The following PAPSS1 variants were observed in gnomAD, a reference collection of about 807,000 sequenced individuals.
The protein encoded by PAPSS1 is 3'-phosphoadenosine 5'-phosphosulfate synthase 1.
Under a neutral mutation model 72.0 loss-of-function variants are expected in PAPSS1, and 50 were observed. That is an observed-to-expected ratio of 0.69 (90% CI 0.55 to 0.88). The LOEUF is 0.88. Among genes scored for constraint, PAPSS1 ranks in the 40% least tolerant of loss-of-function variants. The pLI, the probability that PAPSS1 is intolerant of heterozygous loss-of-function variation, is 0.00. For missense variants in PAPSS1, 657 were observed against 782.2 expected (o/e 0.84, Z 1.91); for synonymous variants, 261 against 263.6 (o/e 0.99, Z 0.09).
At chr4:107,677,792 T>C (rs1727694831) in intron 5 of PAPSS1, among the ~76,000 whole-genome samples, 2 of 152,162 alleles carry the variant, frequency 1.3e-5, no homozygotes, top group Admixed American at 6.5e-5. Context: ...AACCCAAATG[T>C]CCAACAATGA....
At position 107,678,025 on chromosome 4, in the gene PAPSS1, G is replaced by A. The variant is rs1022224678; in HGVS notation, c.669+3990C>T. On this transcript the variant is annotated intron_variant, in intron 5 of 11. Transcript: ENST00000265174. ...CACAGGAAGGGGAACATCACACACC[G>A]GGGCCTGTTGTGTGGCTTGGGGAGT... 8.5e-5 allele frequency among the ~76,000 whole-genome samples: 13 copies of A among 152,114 alleles called. No individual in the cohort carries two copies. In the South Asian group the frequency reaches 1.7e-3, roughly 19 times the overall value.
chr4:107,678,334 G>C (rs1056264214), intron 5 of PAPSS1, among the ~76,000 whole-genome samples: 4 of 152,084 alleles, frequency 2.6e-5, no homozygotes, highest in African/African-American at 9.7e-5. Context: ...GAGTAAAAGT[G>C]AAGAGAAAGG....
intron 9 of PAPSS1, among the ~76,000 whole-genome samples, chr4:107,648,000 C>T (rs1417263991): frequency 6.6e-6 from 1 of 152,180 alleles, no homozygotes; most frequent in Non-Finnish European, 1.5e-5. Flanking sequence ...TTCTACCTTT[C>T]CTATTACTGT....
intron 9 of PAPSS1, among the ~76,000 whole-genome samples, chr4:107,645,363 C>A (rs1726665132): frequency 6.6e-6 from 1 of 152,118 alleles, no homozygotes; most frequent in South Asian, 2.1e-4. Context: ...GAAATGAGAG[C>A]AATCATCAGA....
chr4:107,624,426 C>A (rs1356872928), intron 11 of PAPSS1, among the ~76,000 whole-genome samples: 2 of 152,132 alleles, frequency 1.3e-5, no homozygotes, highest in Admixed American at 1.3e-4. Flanking sequence ...ACAATATCTG[C>A]CTGTTTCCAA....
chr4:107,689,045 C>A (rs930733533), intron 3 of PAPSS1, among the ~76,000 whole-genome samples: 2 of 152,180 alleles, frequency 1.3e-5, no homozygotes, highest in South Asian at 2.1e-4. Flanking sequence ...AGTTTGCAAT[C>A]TTTCCCTATT....
chr4:107,630,951 A>G (rs893554552), intron 11 of PAPSS1, among the ~76,000 whole-genome samples: 5 of 152,238 alleles, frequency 3.3e-5, no homozygotes, highest in Non-Finnish European at 5.9e-5. Context: ...CAAAAGTGGA[A>G]AATTCCATCT....
chr4:107,634,803 T>TC (rs1283019261), intron 10 of PAPSS1, among the ~76,000 whole-genome samples: 1 of 145,612 alleles, frequency 6.9e-6, no homozygotes, highest in African/African-American at 2.6e-5. Flanking sequence ...AGACATTTTT[T>TC]TTTTTTTTTT....
chr4:107,625,994 C>T (rs1726086037), intron 11 of PAPSS1, among the ~76,000 whole-genome samples: 1 of 151,168 alleles, frequency 6.6e-6, no homozygotes, highest in Admixed American at 6.6e-5. Flanking sequence ...CTGGCTAACA[C>T]AGTGAAACCC....
intron 4 of PAPSS1, among the ~76,000 whole-genome samples, chr4:107,685,565 T>C (rs1402344469): frequency 6.6e-6 from 1 of 152,220 alleles, no homozygotes; most frequent in Non-Finnish European, 1.5e-5. Context: ...CCAATTGTCA[T>C]AATTATTCTG....
chr4:107,647,575 C>T (rs1045917455), intron 9 of PAPSS1, among the ~76,000 whole-genome samples: 2 of 152,136 alleles, frequency 1.3e-5, no homozygotes, highest in Non-Finnish European at 2.9e-5. Flanking sequence ...GTAAAAACCA[C>T]GAAACCCAAT....
intron 10 of PAPSS1, among the ~76,000 whole-genome samples, chr4:107,636,615 A>G (rs1726392001): frequency 6.6e-6 from 1 of 152,108 alleles, no homozygotes; most frequent in Non-Finnish European, 1.5e-5. Context: ...CGGAAACAGA[A>G]TAATGGAATC....
chr4:107,657,130 A>G (rs1036775665), intron 6 of PAPSS1, 123 bp from the exon 7 acceptor site: 3 of 641,802 alleles, frequency 4.7e-6, no homozygotes, highest in African/African-American at 3.7e-5. Flanking sequence ...ATGAGTATAG[A>G]TTATACCAAA....
intron 9 of PAPSS1, among the ~76,000 whole-genome samples, chr4:107,653,088 TATATGAATAC>T (rs1726894902): frequency 6.7e-6 from 1 of 148,912 alleles, no homozygotes; most frequent in South Asian, 2.1e-4. Context: ...TATATGAATA[TATATGAATAC>T]ATATGAATAT....
At chr4:107,649,898 C>G (rs1308356819) in intron 9 of PAPSS1, among the ~76,000 whole-genome samples, 1 of 152,230 alleles carries the variant, frequency 6.6e-6, no homozygotes, top group African/African-American at 2.4e-5. Context: ...ATGCATTCTT[C>G]CCCTCCAGGA....
chr4:107,645,545 C>A (rs1726670662), intron 9 of PAPSS1, among the ~76,000 whole-genome samples: 3 of 152,142 alleles, frequency 2.0e-5, no homozygotes, highest in African/African-American at 7.2e-5. Flanking sequence ...ACTTACTGTC[C>A]AAATATGCTC....
intron 11 of PAPSS1, among the ~76,000 whole-genome samples, chr4:107,615,763 A>G (rs1725803902): frequency 6.6e-6 from 1 of 152,222 alleles, no homozygotes; most frequent in Non-Finnish European, 1.5e-5. Context: ...ACTTATAGGT[A>G]AAACCTTAGG....
chr4:107,617,852 C>G (rs1246161753), intron 11 of PAPSS1, among the ~76,000 whole-genome samples: 4 of 152,230 alleles, frequency 2.6e-5, no homozygotes, highest in Admixed American at 2.6e-4. Flanking sequence ...TCAAGTCGAC[C>G]ATGATATACG....
intron 11 of PAPSS1, among the ~76,000 whole-genome samples, chr4:107,622,891 GA>G (rs1197556355): frequency 2.0e-5 from 3 of 152,190 alleles, no homozygotes; most frequent in African/African-American, 7.2e-5. Flanking sequence ...AGAGGATACT[GA>G]ACTAAATTGG....
Sources: allele counts gnomAD v4.1 joint callset (sites outside exome capture counted in the v4.1 genomes callset), GRCh38; gene constraint gnomAD v4.1.1; transcripts MANE v1.5; gene names NCBI Gene and HGNC (gene_info 2026-07-23, HGNC 2026-07-21).